TRHDE: variants seen among roughly 807,000 people sequenced by gnomAD.
The protein encoded by TRHDE is thyrotropin releasing hormone degrading enzyme, also known as thyrotropin-releasing hormone-degrading ectoenzyme.
Under a neutral mutation model 125.7 loss-of-function variants are expected in TRHDE, and 72 were observed. That is an observed-to-expected ratio of 0.57 (90% CI 0.47 to 0.70). The LOEUF (loss-of-function observed/expected upper bound fraction) is 0.70. TRHDE is among the 30% of genes least tolerant of loss of function. TRHDE has a pLI of 0.00. For synonymous variants in TRHDE, 509 were observed against 509.1 expected (o/e 1.00, Z 0.00); for missense variants, 1,110 against 1,327.1 (o/e 0.84, Z 2.54).
chr12:72,249,853 T>C (rs1462724555), intron 2 of TRHDE, among the ~76,000 whole-genome samples: 1 of 152,196 alleles, frequency 6.6e-6, no homozygotes, highest in Non-Finnish European at 1.5e-5. Context: ...TGAATATTCA[T>C]ATCAGCTTTA....
In TRHDE at chr12:72,272,777, C is replaced by T; in HGVS notation, c.134C>T (p.Ala45Val). ...AAGAGCAGCTCACCCTTCGCAGCCG[C>T]GATGGGGGAAGACGACGCCGCGCTT... ...AEKSSSPFAA[A>V]MGEDDAALRA... The change falls in exon 1 of 19, where the codon GCG (alanine) becomes GTG (valine). Residue 45 changes from alanine (A) to valine (V), a missense_variant. Ala to Val is a moderately conservative substitution (Grantham distance 64). This residue lies in a region of TRHDE where 248 missense variants were observed against 240.8 expected (regional missense o/e 1.03). Coordinates refer to ENST00000261180, the MANE Select transcript of TRHDE (RefSeq NM_013381.3). The surrounding 1 kb of genome is among the most constrained non-coding windows in gnomAD (Gnocchi z 6.7). 3 of 1,551,808 alleles carry T rather than the reference C, an allele frequency of 1.9e-6. No homozygotes were observed. Among genetic ancestry groups the T allele is most frequent in the Non-Finnish European group, 2.6e-6 (3 of 1,150,808 alleles).
intron 6 of TRHDE, among the ~76,000 whole-genome samples, chr12:72,518,028 G>A (rs984791453): frequency 6.9e-6 from 1 of 145,928 alleles, no homozygotes; most frequent in African/African-American, 2.7e-5. Context: ...TATAATTTCT[G>A]TTCTTTTACG....
chr12:72,308,241 C>T (rs1181647293), intron 2 of TRHDE, among the ~76,000 whole-genome samples: 1 of 151,844 alleles, frequency 6.6e-6, no homozygotes, highest in African/African-American at 2.4e-5. Context: ...ACTTCGTGTG[C>T]ATGTGTGTGA....
At chr12:72,266,512 T>C (rs1041660410) in intron 2 of TRHDE, among the ~76,000 whole-genome samples, 11 of 151,342 alleles carry the variant, frequency 7.3e-5, no homozygotes, top group Admixed American at 2.0e-4. Flanking sequence ...ATTATAATTA[T>C]TTCTTTGTTC....
At chr12:72,188,561 G>C (rs950002997) in intron 2 of TRHDE, among the ~76,000 whole-genome samples, 1 of 152,136 alleles carries the variant, frequency 6.6e-6, no homozygotes, top group African/African-American at 2.4e-5. Context: ...GAGAGTGGCC[G>C]GGTTTCAGCA....
intron 10 of TRHDE, among the ~76,000 whole-genome samples, chr12:72,573,509 A>T (rs937967332): frequency 2.0e-5 from 3 of 151,872 alleles, no homozygotes; most frequent in African/African-American, 4.8e-5. Context: ...TGAATCATAG[A>T]TTTGGAAAGA....
intron 2 of TRHDE, among the ~76,000 whole-genome samples, chr12:72,161,293 C>T (rs1423426756): frequency 1.3e-5 from 2 of 152,048 alleles, no homozygotes; most frequent in Non-Finnish European, 1.5e-5. Flanking sequence ...GTTAGCTGGG[C>T]GTGGTGGCAC....
intron 2 of TRHDE, among the ~76,000 whole-genome samples, chr12:72,183,325 C>G (rs1056629077): frequency 6.6e-6 from 1 of 152,176 alleles, no homozygotes; most frequent in African/African-American, 2.4e-5. Context: ...TAATAGCCCC[C>G]TTTGCCCCAA....
intron 2 of TRHDE, among the ~76,000 whole-genome samples, chr12:72,366,511 T>A (rs1366160830): frequency 2.0e-5 from 3 of 152,050 alleles, no homozygotes; most frequent in Admixed American, 2.0e-4. Context: ...TTTATTGCCA[T>A]TTTATGGGAG....
At chr12:72,635,847 G>T (rs916318229) in intron 15 of TRHDE, among the ~76,000 whole-genome samples, 55 of 152,190 alleles carry the variant, frequency 3.6e-4, no homozygotes, top group Non-Finnish European at 6.8e-4. Context: ...GCTCTGTTCT[G>T]TTCCATTGAT....
At chr12:72,210,009 ATT>A (rs1344813896) in intron 2 of TRHDE, among the ~76,000 whole-genome samples, 6 of 152,216 alleles carry the variant, frequency 3.9e-5, no homozygotes, top group Admixed American at 3.9e-4. Flanking sequence ...TAAGGACATT[ATT>A]TAAGAGGTTG....
intron 2 of TRHDE, among the ~76,000 whole-genome samples, chr12:72,112,895 TA>T (rs1875353812): frequency 6.6e-6 from 1 of 152,210 alleles, no homozygotes; most frequent in Admixed American, 6.5e-5. Flanking sequence ...TTCACAGGCC[TA>T]AGGTGAACCT....
intron 2 of TRHDE, among the ~76,000 whole-genome samples, chr12:72,160,673 G>A (rs1190685610): frequency 6.6e-6 from 1 of 152,078 alleles, no homozygotes; most frequent in Non-Finnish European, 1.5e-5. Flanking sequence ...TGGTGACAGA[G>A]CGAAACTCCA....
intron 2 of TRHDE, among the ~76,000 whole-genome samples, chr12:72,370,094 A>C (rs1019518659): frequency 3.3e-5 from 5 of 152,104 alleles, no homozygotes; most frequent in Non-Finnish European, 7.4e-5. Flanking sequence ...CTTTTCTCCC[A>C]CTTGTTCAAC....
chr12:72,167,929 C>T (rs868008168), intron 2 of TRHDE, among the ~76,000 whole-genome samples: 7 of 152,082 alleles, frequency 4.6e-5, no homozygotes, highest in African/African-American at 7.2e-5. Flanking sequence ...AACTGGAAGA[C>T]GAAACTATCA....
intron 3 of TRHDE, among the ~76,000 whole-genome samples, chr12:72,391,383 C>T (rs1378094997): frequency 6.6e-6 from 1 of 152,126 alleles, no homozygotes; most frequent in African/African-American, 2.4e-5. Context: ...GCCTTCAGGG[C>T]ATCGCTGAAG....
At chr12:72,456,512 G>A (rs1207629616) in intron 3 of TRHDE, among the ~76,000 whole-genome samples, 1 of 152,050 alleles carries the variant, frequency 6.6e-6, no homozygotes, top group Non-Finnish European at 1.5e-5. Context: ...TAATGAGGAA[G>A]GTTATCATTT....
chr12:72,663,093 T>G lies in TRHDE; in HGVS notation c.3108T>G (p.Ala1036=). The change falls in exon 19 of 19, where the codon GCT becomes GCG. Residue 1036 remains alanine (A), a synonymous_variant. Coordinates refer to ENST00000261180, the MANE Select transcript of TRHDE (RefSeq NM_013381.3). The part of the protein sequence containing the change: ...FMKNYDGVAA[A]SFSRAVETVE... ...AAAACTATGATGGGGTAGCTGCTGC[T>G]TCTTTCTCACGAGCTGTGGAAACTG... is the stretch of plus-strand genomic sequence containing the variant. The G allele has an allele frequency of 6.2e-7, 1 of 1,613,098 alleles. No individual in the cohort carries two copies. The highest frequency in any genetic ancestry group is 8.5e-7 in the Non-Finnish European group (1 of 1,179,434).
In TRHDE at chr12:72,248,484, A is replaced by AATCAATAT. The variant is rs1037461583; in HGVS notation, n.280-129510_280-129503dup. Among the ~76,000 whole-genome samples the AATCAATAT allele has an allele frequency of 2.6e-5, 3 of 114,156 alleles. No individual in the cohort carries two copies. The East Asian group carries it at 6.2e-4, about 24-fold the overall frequency. The allele number at this position is 114,156 out of a possible 152,430, so 74.9% of individuals were successfully genotyped here. A position where few individuals can be genotyped will look rare whatever the true frequency, so the allele number is the denominator to read the frequency against. On this transcript the variant is annotated intron_variant and non_coding_transcript_variant, in intron 2 of 4. Transcript: ENST00000548156. ...GTGTTTTCACATACATTTTAAAAAGAATCAATATTACAAATGCTTTTCCTG... is the reference window on the plus strand; with the variant it reads ...GTGTTTTCACATACATTTTAAAAAGAATCAATATATCAATATTACAAATGCTTTTCCTG...
Sources: allele counts gnomAD v4.1 joint callset (sites outside exome capture counted in the v4.1 genomes callset), GRCh38; gene constraint gnomAD v4.1.1; regional missense constraint gnomAD v4.1.1; non-coding constraint Gnocchi (gnomAD v3.1); transcripts MANE v1.5; gene names NCBI Gene and HGNC (gene_info 2026-07-23, HGNC 2026-07-21).